SMG5: variants seen among roughly 807,000 people sequenced by gnomAD.
SMG5 encodes the protein SMG5 nonsense mediated mRNA decay factor.
SMG5 carries 53 observed loss-of-function variants against 122.9 expected under a neutral mutation model. That is an observed-to-expected ratio of 0.43 (90% CI 0.35 to 0.54). The LOEUF (loss-of-function observed/expected upper bound fraction) is 0.54. SMG5 is among the 20% of genes least tolerant of loss of function. The pLI is 0.01. For synonymous variants in SMG5, 477 were observed against 490.2 expected (o/e 0.97, Z 0.35); for missense variants, 1,153 against 1,285.6 (o/e 0.90, Z 1.58).
At chr1:156,278,092 G>A in intron 2 of SMG5, 44 bp from the exon 3 acceptor site, 1 of 1,609,070 alleles carries the variant, frequency 6.2e-7, no homozygotes, top group African/African-American at 1.3e-5. Context: ...CCATCCCTTG[G>A]AGCAGGGACA....
At chr1:156,254,498 C>T (rs1029574889) in intron 16 of SMG5, among the ~76,000 whole-genome samples, 1 of 152,156 alleles carries the variant, frequency 6.6e-6, no homozygotes, top group Non-Finnish European at 1.5e-5. Flanking sequence ...GGCTGGAGTG[C>T]AGTGCCACAA....
At chr1:156,283,010 C>G (rs1298039186), upstream of SMG5, 1 of 508,086 alleles carries the variant, frequency 2.0e-6, no homozygotes, top group Non-Finnish European at 3.5e-6. Context: ...GCAAAGCTAT[C>G]AGAGAACGGA....
intron 4 of SMG5, among the ~76,000 whole-genome samples, chr1:156,275,893 C>T (rs1558245128): frequency 6.6e-6 from 1 of 151,284 alleles, no homozygotes; most frequent in African/African-American, 2.4e-5. Context: ...TGGCTCACTG[C>T]AGCCTCGAAC....
upstream of SMG5, among the ~76,000 whole-genome samples, chr1:156,283,821 G>A (rs1215363741): frequency 1.2e-4 from 18 of 152,108 alleles, no homozygotes; most frequent in Non-Finnish European, 2.9e-5. Flanking sequence ...TTCCCATCAG[G>A]TTTCAGCTCA....
Position 156,281,421 on chromosome 1 carries a change from C to G in SMG5, c.74+1186G>C, listed in dbSNP as rs1331139990. Among the ~76,000 whole-genome samples the G allele has an allele frequency of 2.6e-5, 4 of 152,194 alleles. 1 individual carries two copies. The highest frequency in any genetic ancestry group is 6.5e-5 in the Admixed American group (1 of 15,284). On this transcript the variant is annotated intron_variant, in intron 1 of 21. Transcript: ENST00000361813. ...TCGGCAGCATGATAAGGCACACGTG[C>G]CACCCCCAGCCAACTCCTCACCCGC...
chr1:156,266,120 T>C lies in SMG5; in HGVS notation c.1516A>G (p.Thr506Ala), dbSNP rs577649253. Residue 506 changes from threonine (T) to alanine (A), a missense_variant, in exon 12 of 22, where the codon ACG (threonine) becomes GCG (alanine). Thr to Ala is a moderately conservative substitution (Grantham distance 58). Transcript: ENST00000361813. ...GAGTCTGTTTCAGCATCAAAGGCCG[T>C]TCCCCCACCTTCAAGACTCTTGTCA... The part of the protein sequence containing the change: ...GSDKSLEGGG[T>A]AFDAETDSEM... The C allele has an allele frequency of 6.2e-7, 1 of 1,614,112 alleles. No individual in the cohort carries two copies. Among genetic ancestry groups the C allele is most frequent in the Non-Finnish European group, 8.5e-7 (1 of 1,179,982 alleles).
upstream of SMG5, among the ~76,000 whole-genome samples, chr1:156,287,578 G>C (rs1416470498): frequency 6.7e-6 from 1 of 149,506 alleles, no homozygotes; most frequent in Non-Finnish European, 1.5e-5. Context: ...GGATGTGTGA[G>C]CTCTCCTCGC....
chr1:156,264,656 A>G (rs549363115), intron 12 of SMG5, among the ~76,000 whole-genome samples: 1 of 152,288 alleles, frequency 6.6e-6, no homozygotes, highest in South Asian at 2.1e-4. Flanking sequence ...AGTGGGGGCA[A>G]GTAAGAATTA....
intron 4 of SMG5, among the ~76,000 whole-genome samples, chr1:156,275,131 T>TAAAAAAAAA (rs760480249): frequency 2.3e-5 from 2 of 86,882 alleles, no homozygotes; most frequent in Middle Eastern, 7.6e-3. Context: ...TGACGCCAAT[T>TAAAAAAAAA]AAAAAAAAAA....
Position 156,250,851 on chromosome 1 carries a change from G to A in SMG5, c.2967+7C>T, listed in dbSNP as rs368030898. On this transcript the variant is annotated splice_region_variant and intron_variant, in intron 21 of 21. Transcript: ENST00000361813. ...CACACCATCCCCCCACCTCACCCAT[G>A]ACCCACCTGCATGGGGCCTGAAAGC... The A allele has an allele frequency of 5.0e-6, 8 of 1,613,610 alleles. No homozygotes were observed. Among genetic ancestry groups the A allele is most frequent in the Non-Finnish European group, 5.9e-6 (7 of 1,179,820 alleles).
Position 156,277,105 on chromosome 1 carries a change from T to C in SMG5, c.434A>G (p.His145Arg), listed in dbSNP as rs1662716773. The change falls in exon 4 of 22, where the codon CAT (histidine) becomes CGT (arginine). Residue 145 changes from histidine (H) to arginine (R), a missense_variant. Around this residue, in one of 5 missense-constraint regions of SMG5, gnomAD observed 213 missense variants for 197.5 expected, o/e 1.08. Transcript: ENST00000361813. ...CTGACCTATGAGGGGGTCAGTGACA[T>C]GGGTCCAGTCGATGCAGCACTGCAG... Reference protein sequence around the residue: ...LELQCCIDWTHVTDPLIGCKK... With the variant: ...LELQCCIDWTRVTDPLIGCKK... The C allele has an allele frequency of 6.2e-7, 1 of 1,613,642 alleles. No homozygotes were observed. Among genetic ancestry groups the C allele is most frequent in the Non-Finnish European group, 8.5e-7 (1 of 1,179,788 alleles).
intron 19 of SMG5, 30 bp from the exon 20 acceptor site, chr1:156,251,507 G>A: frequency 1.2e-6 from 2 of 1,611,744 alleles, no homozygotes; most frequent in Non-Finnish European, 8.5e-7. Context: ...GTGGAGGTCA[G>A]GAGCAGGAGA....
intron 1 of SMG5, among the ~76,000 whole-genome samples, chr1:156,279,713 G>GACA (rs1387899902): frequency 1.3e-5 from 2 of 152,158 alleles, no homozygotes; most frequent in African/African-American, 2.4e-5. Flanking sequence ...ATAAAGGAAA[G>GACA]ACACTTCTAG....
the SMG5 span, chr1:156,290,724 G>A: frequency 6.6e-6 from 1 of 152,062 alleles, no homozygotes; most frequent in African/African-American, 2.4e-5. Context: ...AGCTACTCAG[G>A]AGGCTGAGGC....
At chr1:156,288,107 C>T in the SMG5 span, among the ~76,000 whole-genome samples, 2 of 149,588 alleles carry the variant, frequency 1.3e-5, no homozygotes, top group East Asian at 2.0e-4. Context: ...CCCAACTACT[C>T]GGGAGGCTGA....
At chr1:156,254,698 G>T (rs897030240) in intron 16 of SMG5, among the ~76,000 whole-genome samples, 2 of 152,134 alleles carry the variant, frequency 1.3e-5, no homozygotes, top group Non-Finnish European at 2.9e-5. Context: ...GCCCGCCTTG[G>T]CCTCCCAAAG....
intron 16 of SMG5, among the ~76,000 whole-genome samples, chr1:156,254,988 G>A (rs1661516596): frequency 6.6e-6 from 1 of 151,976 alleles, no homozygotes. Context: ...TACTTGGGAG[G>A]CTGAGGCAGG....
chr1:156,254,470 G>GT (rs1661487492), intron 16 of SMG5, among the ~76,000 whole-genome samples: 1 of 152,096 alleles, frequency 6.6e-6, no homozygotes, highest in Non-Finnish European at 1.5e-5. Context: ...TTGAGACAGG[G>GT]TCTCACTATG....
At position 156,282,086 on chromosome 1, in the gene SMG5, C is replaced by A. The variant is rs547977839; in HGVS notation, c.74+521G>T. ...TCATTCGGACTCCTCAAAATTAGAGCCGTATGGGACTTTAGAGCACATCCA... is the reference window on the plus strand; with the variant it reads ...TCATTCGGACTCCTCAAAATTAGAGACGTATGGGACTTTAGAGCACATCCA... On this transcript the variant is annotated intron_variant, in intron 1 of 21. Transcript: ENST00000361813. 5.3e-4 allele frequency among the ~76,000 whole-genome samples: 81 copies of A among 152,136 alleles called. 1 individual carries two copies. Among genetic ancestry groups the A allele is most frequent in the Non-Finnish European group, 1.1e-3 (72 of 68,026 alleles).
Sources: allele counts gnomAD v4.1 joint callset (sites outside exome capture counted in the v4.1 genomes callset), GRCh38; gene constraint gnomAD v4.1.1; regional missense constraint gnomAD v4.1.1; transcripts MANE v1.5; gene names NCBI Gene and HGNC (gene_info 2026-07-23, HGNC 2026-07-21).